The following KAT2B variants were observed in gnomAD, a reference collection of about 807,000 sequenced individuals.
KAT2B encodes histone acetyltransferase KAT2B.
In KAT2B, 36 loss-of-function variants were observed where a neutral mutation model predicts 105.9. The observed-to-expected ratio is 0.34, with a 90% confidence interval of 0.26 to 0.45. The LOEUF is 0.45. Among genes scored for constraint, KAT2B ranks in the 20% least tolerant of loss-of-function variants. The probability of loss-of-function intolerance (pLI) is 1.00; values close to 1 mark genes in which losing one functional copy is unlikely to be tolerated. For missense variants in KAT2B, 820 were observed against 1,021.6 expected (o/e 0.80, Z 2.69); for synonymous variants, 397 against 377.9 (o/e 1.05, Z -0.59).
chr3:20,100,052 AC>A, intron 4 of KAT2B, 98 bp downstream of exon 4: 1 of 671,252 alleles, frequency 1.5e-6, no homozygotes, highest in Non-Finnish European at 2.7e-6. Context: ...CCTCCTCCAT[AC>A]CCAGGTTAGA....
At chr3:20,078,678 T>C (rs916121557) in intron 2 of KAT2B, among the ~76,000 whole-genome samples, 1 of 151,614 alleles carries the variant, frequency 6.6e-6, no homozygotes, top group African/African-American at 2.4e-5. Context: ...TTCATCATCT[T>C]TTTCTGATAT....
intron 1 of KAT2B, among the ~76,000 whole-genome samples, chr3:20,066,934 T>C (rs1698232490): frequency 6.6e-6 from 1 of 152,168 alleles, no homozygotes; most frequent in Non-Finnish European, 1.5e-5. Context: ...TCATAACACA[T>C]CTCAATTTTT....
At chr3:20,111,529 A>G (rs1469127517) in intron 5 of KAT2B, 67 bp from the exon 6 acceptor site, 23 of 1,282,502 alleles carry the variant, frequency 1.8e-5, no homozygotes, top group Non-Finnish European at 1.7e-5. Flanking sequence ...AGATAAACAT[A>G]ATTGAATATT....
intron 11 of KAT2B, among the ~76,000 whole-genome samples, chr3:20,134,853 A>G (rs1699573873): frequency 6.6e-6 from 1 of 152,228 alleles, no homozygotes; most frequent in South Asian, 2.1e-4. Flanking sequence ...GTGAAAAGAA[A>G]CAGGTGAAAT....
rs1575164576 is a variant in KAT2B at position 20,152,594 on chromosome 3, T to C, written c.*69T>C. 2.3e-6 allele frequency: 3 copies of C among 1,279,078 alleles called. No individual in the cohort carries two copies. The highest frequency in any genetic ancestry group is 3.9e-5 in the Admixed American group (2 of 51,480). 79.2% of individuals were successfully genotyped at this position (1,279,078 alleles called of 1,614,324 possible). A position where few individuals can be genotyped will look rare whatever the true frequency, so the allele number is the denominator to read the frequency against. Reference sequence around the variant, plus strand: ...CCTAAAGCAAGGTGGTTTAGTTTTTTACAAAGAATTGGACATGATGTATTG... The same window carrying C: ...CCTAAAGCAAGGTGGTTTAGTTTTTCACAAAGAATTGGACATGATGTATTG... On this transcript the variant is annotated 3_prime_UTR_variant, in exon 18 of 18. Transcript: ENST00000263754.
rs368855701 is a variant in KAT2B at position 20,092,236 on chromosome 3, T to TTTATTTA, written c.431-3024_431-3018dup. ...TTTCACATATTTATTTATTTATTTA[T>TTTATTTA]TTATTTATTTGAGATGGAGTGTTGC... On this transcript the variant is annotated intron_variant, in intron 2 of 17. Coordinates refer to ENST00000263754, the MANE Select transcript of KAT2B (RefSeq NM_003884.5). Among the ~76,000 whole-genome samples the TTTATTTA allele has an allele frequency of 7.9e-3, 814 of 103,506 alleles. 5 individuals are homozygous for TTTATTTA. The highest frequency in any genetic ancestry group is 0.021 in the African/African-American group (707 of 33,224). The allele number at this position is 103,506 out of a possible 152,430, so 67.9% of individuals were successfully genotyped here. A position where few individuals can be genotyped will look rare whatever the true frequency, so the allele number is the denominator to read the frequency against.
chr3:20,125,947 A>T lies in KAT2B; in HGVS notation c.1456A>T (p.Arg486Trp). The T allele has an allele frequency of 6.2e-7, 1 of 1,614,008 alleles. No individual in the cohort carries two copies. Among genetic ancestry groups the T allele is most frequent in the Non-Finnish European group, 8.5e-7 (1 of 1,179,932 alleles). ...SAHSARDEAA[R>W]LEERRGVIEF... ...ACACTCGGCCAGGGATGAGGCGGCA[A>T]GGTTGGAAGAGCGCAGGGGTGTAAT... The change falls in exon 10 of 18, where the codon AGG becomes TGG. Residue 486 changes from arginine to tryptophan, a missense_variant. Coordinates refer to ENST00000263754, the MANE Select transcript of KAT2B (RefSeq NM_003884.5).
At chr3:20,091,820 G>C (rs1011380324) in intron 2 of KAT2B, among the ~76,000 whole-genome samples, 2 of 152,096 alleles carry the variant, frequency 1.3e-5, no homozygotes, top group East Asian at 3.9e-4. Context: ...TCCTGTTAAT[G>C]ATTTATATAG....
chr3:20,082,395 A>G (rs1292791496), intron 2 of KAT2B, among the ~76,000 whole-genome samples: 1 of 152,094 alleles, frequency 6.6e-6, no homozygotes, highest in Non-Finnish European at 1.5e-5. Context: ...ACATTAATAT[A>G]ATACCTTTAT....
intron 5 of KAT2B, among the ~76,000 whole-genome samples, chr3:20,102,938 T>C (rs900034197): frequency 1.1e-4 from 16 of 152,212 alleles, no homozygotes; most frequent in African/African-American, 3.9e-4. Context: ...AAGAATTGTA[T>C]AATTTAAAAT....
At chr3:20,096,417 G>A (rs1490928467) in intron 3 of KAT2B, among the ~76,000 whole-genome samples, 1 of 151,982 alleles carries the variant, frequency 6.6e-6, no homozygotes, top group Non-Finnish European at 1.5e-5. Flanking sequence ...CAAAACTTCA[G>A]GTTGCCAAAA....
intron 1 of KAT2B, among the ~76,000 whole-genome samples, chr3:20,062,456 A>G (rs1335930076): frequency 1.7e-5 from 2 of 117,052 alleles, no homozygotes; most frequent in East Asian, 2.8e-4. Flanking sequence ...AATTATATAT[A>G]TTTTATTTTA....
intron 2 of KAT2B, among the ~76,000 whole-genome samples, chr3:20,087,944 A>T (rs1352296961): frequency 8.0e-6 from 1 of 124,540 alleles, no homozygotes; most frequent in Non-Finnish European, 1.6e-5. Context: ...CTAGCTAATT[A>T]AAAAAAAATT....
At chr3:20,088,975 A>C (rs753454376) in intron 2 of KAT2B, among the ~76,000 whole-genome samples, 12 of 152,334 alleles carry the variant, frequency 7.9e-5, no homozygotes, top group Non-Finnish European at 1.6e-4. Context: ...CGGTTGTCCC[A>C]ACAGCATTTA....
chr3:20,051,550 T>C (rs1005082035), intron 1 of KAT2B, among the ~76,000 whole-genome samples: 18 of 152,306 alleles, frequency 1.2e-4, no homozygotes, highest in African/African-American at 4.1e-4. Context: ...GCCCAGTACA[T>C]AAAGCTCCAG....
Position 20,119,446 on chromosome 3 carries a change from T to G in KAT2B, c.1151-152T>G. 3 of 672,834 alleles carry G rather than the reference T, an allele frequency of 4.5e-6. No homozygotes were observed. In the East Asian group the frequency reaches 8.0e-5, roughly 18 times the overall value. The allele number at this position is 672,834 out of a possible 1,614,324, so 41.7% of individuals were successfully genotyped here. On this transcript the variant is annotated intron_variant, in intron 7 of 17. Transcript: ENST00000263754. The stretch of plus-strand genomic sequence containing the variant: ...TTAATGAGTTATAGTCCCTGCTGTC[T>G]TTACTATTTTGATGCCTTGTGGCTT...
intron 6 of KAT2B, 111 bp downstream of exon 6, chr3:20,111,898 C>T (rs1219379517): frequency 2.4e-6 from 2 of 842,648 alleles, no homozygotes; most frequent in African/African-American, 3.5e-5. Flanking sequence ...AGAAACATTC[C>T]AAGGGGATGG....
intron 2 of KAT2B, among the ~76,000 whole-genome samples, chr3:20,077,995 C>T (rs918251914): frequency 1.3e-5 from 2 of 151,868 alleles, no homozygotes; most frequent in African/African-American, 2.4e-5. Flanking sequence ...GGCAACATGG[C>T]GAAACTCCAC....
chr3:20,094,139 T>C (rs1228289315), intron 2 of KAT2B, among the ~76,000 whole-genome samples: 1 of 152,144 alleles, frequency 6.6e-6, no homozygotes, highest in Admixed American at 6.5e-5. Flanking sequence ...CTGGATAATT[T>C]ATAAAGAAAG....
Sources: gnomAD v4.1 joint callset for allele counts (sites outside exome capture counted in the v4.1 genomes callset) on GRCh38, gnomAD v4.1.1 for gene constraint, MANE v1.5 for transcripts, NCBI Gene and HGNC (gene_info 2026-07-23, HGNC 2026-07-21) for gene names.